PCSK5: variants seen among roughly 807,000 people sequenced by gnomAD.
The protein encoded by PCSK5 is proprotein convertase subtilisin/kexin type 5, also known as prohormone convertase 5.
Under a neutral mutation model 233.2 loss-of-function variants are expected in PCSK5, and 129 were observed. That is an observed-to-expected ratio of 0.55 (90% CI 0.48 to 0.64). PCSK5 has a LOEUF of 0.64. Among genes scored for constraint, PCSK5 ranks in the 30% least tolerant of loss-of-function variants. PCSK5 has a pLI of 0.00. For synonymous variants in PCSK5, 825 were observed against 879.2 expected, an observed-to-expected ratio of 0.94 and a Z score of 1.09; for missense variants, 2,076 against 2,430.1, an observed-to-expected ratio of 0.85 and a Z score of 3.06.
chr9:75,982,565 T>C (rs1423959572), intron 2 of PCSK5, among the ~76,000 whole-genome samples: 3 of 152,188 alleles, frequency 2.0e-5, no homozygotes, highest in Admixed American at 2.0e-4. Flanking sequence ...CTAAGTGTAT[T>C]GTATATGTTT....
At chr9:75,971,358 T>C (rs1288085357) in intron 2 of PCSK5, among the ~76,000 whole-genome samples, 2 of 152,192 alleles carry the variant, frequency 1.3e-5, no homozygotes, top group African/African-American at 4.8e-5. Flanking sequence ...GTTGATTCCA[T>C]GTCTTTGCTA....
At chr9:76,160,436 A>AT (rs1210231366) in intron 12 of PCSK5, among the ~76,000 whole-genome samples, 3 of 151,560 alleles carry the variant, frequency 2.0e-5, no homozygotes, top group Admixed American at 6.6e-5. Flanking sequence ...AGCTTCTTTG[A>AT]TTTTTTTTTC....
chr9:76,166,215 C>G (rs1056302380), intron 12 of PCSK5, among the ~76,000 whole-genome samples: 29 of 152,078 alleles, frequency 1.9e-4, no homozygotes, highest in African/African-American at 7.0e-4. Context: ...CATTTTCATT[C>G]CTCTCCTCAA....
At position 76,071,985 on chromosome 9, in the gene PCSK5, A is replaced by G. The variant is rs536375167; in HGVS notation, c.894+87A>G. 2.3e-6 allele frequency: 3 copies of G among 1,322,222 alleles called. No homozygotes were observed. In the African/African-American group the frequency reaches 4.4e-5, roughly 19 times the overall value. The allele number at this position is 1,322,222 out of a possible 1,614,324, so 81.9% of individuals were successfully genotyped here. On this transcript the variant is annotated intron_variant, in intron 7 of 37. Transcript: ENST00000674117. Reference sequence around the variant, plus strand: ...ATCTATGGGTTTCCAGCTGCAGTCTAGAGAACTGGATGGAGCTCCTAGGCT... The same window carrying G: ...ATCTATGGGTTTCCAGCTGCAGTCTGGAGAACTGGATGGAGCTCCTAGGCT...
At chr9:75,945,360 C>T (rs1563929258) in intron 2 of PCSK5, among the ~76,000 whole-genome samples, 1 of 152,062 alleles carries the variant, frequency 6.6e-6, no homozygotes, top group South Asian at 2.1e-4. Flanking sequence ...CCCTTTCCCT[C>T]GTTTCTCCTC....
intron 37 of PCSK5, among the ~76,000 whole-genome samples, chr9:76,358,140 CT>C (rs1303543380): frequency 1.3e-5 from 2 of 152,162 alleles, no homozygotes; most frequent in Non-Finnish European, 2.9e-5. Context: ...GATTTATTGG[CT>C]TCATCAGACA....
At chr9:76,283,035 A>G (rs1827931897) in intron 24 of PCSK5, among the ~76,000 whole-genome samples, 1 of 152,256 alleles carries the variant, frequency 6.6e-6, no homozygotes, top group South Asian at 2.1e-4. Context: ...ACAATCTCAC[A>G]ATAAAATTTG....
chr9:76,187,075 G>A (rs1238526888), intron 17 of PCSK5, among the ~76,000 whole-genome samples: 1 of 151,958 alleles, frequency 6.6e-6, no homozygotes, highest in Admixed American at 6.6e-5. Flanking sequence ...ATGCTAATGG[G>A]GACTGTTCGG....
Position 76,037,425 on chromosome 9 carries a change from GAGACT to G in PCSK5, c.632+10390_632+10394del, listed in dbSNP as rs202246785. Among the ~76,000 whole-genome samples, 7 of 152,250 alleles carry G rather than the reference GAGACT, an allele frequency of 4.6e-5. No homozygotes were observed. The East Asian group carries it at 1.2e-3, about 25-fold the overall frequency. On this transcript the variant is annotated intron_variant, in intron 5 of 37. Transcript: ENST00000674117. ...TCATACTATAAACAAAAGGTTTTTG[GAGACT>G]ATATAAAAGTACCACAGGTACAGAT... is the stretch of plus-strand genomic sequence containing the variant.
At chr9:76,293,140 C>G (rs1466085602) in intron 25 of PCSK5, among the ~76,000 whole-genome samples, 1 of 148,088 alleles carries the variant, frequency 6.8e-6, no homozygotes, top group East Asian at 1.9e-4. Flanking sequence ...GTCACCTCCT[C>G]TTGTCACATT....
chr9:75,962,311 G>A (rs1721598186), intron 2 of PCSK5, among the ~76,000 whole-genome samples: 1 of 152,138 alleles, frequency 6.6e-6, no homozygotes, highest in Non-Finnish European at 1.5e-5. Flanking sequence ...TCAGCTCCTG[G>A]GTCAAAAGGA....
intron 14 of PCSK5, among the ~76,000 whole-genome samples, chr9:76,178,155 A>T (rs935146564): frequency 6.6e-6 from 1 of 152,146 alleles, no homozygotes; most frequent in Non-Finnish European, 1.5e-5. Context: ...CAGTCCATAG[A>T]CAGCAGAGAC....
At chr9:76,289,891 G>A (rs150676184) in intron 24 of PCSK5, among the ~76,000 whole-genome samples, 331 of 152,244 alleles carry the variant, frequency 2.2e-3, no homozygotes, top group Non-Finnish European at 3.9e-3. Context: ...GTGCAACTGG[G>A]CTGGAAAAGT....
At chr9:75,942,742 A>G (rs1416353175) in intron 2 of PCSK5, among the ~76,000 whole-genome samples, 4 of 152,126 alleles carry the variant, frequency 2.6e-5, no homozygotes, top group Non-Finnish European at 4.4e-5. Context: ...AATAAAAGTG[A>G]CGGCCATAAA....
chr9:75,948,274 A>G (rs1563930968), intron 2 of PCSK5, among the ~76,000 whole-genome samples: 1 of 151,862 alleles, frequency 6.6e-6, no homozygotes, highest in Non-Finnish European at 1.5e-5. Flanking sequence ...CTCGTCATTT[A>G]CATTAGGTAT....
intron 5 of PCSK5, among the ~76,000 whole-genome samples, chr9:76,063,345 T>TTTTTTTTA (rs1830107229): frequency 7.5e-6 from 1 of 132,840 alleles, no homozygotes; most frequent in Non-Finnish European, 1.6e-5. Context: ...TTTTTTTTTT[T>TTTTTTTTA]TTTATTGATA....
At position 76,338,286 on chromosome 9, in the gene PCSK5, G is replaced by T. The variant is rs535037527; in HGVS notation, c.4805G>T (p.Gly1602Val). ...GAGAGGTGCAACAGGAGCTGCAAGG[G>T]GTGCCAGGGCCCACGGCCCACAGAC... is the stretch of plus-strand genomic sequence containing the variant. ...RCERCNRSCKGCQGPRPTDCL... is the reference protein window; with the variant it reads ...RCERCNRSCKVCQGPRPTDCL... Residue 1602 changes from glycine to valine, a missense_variant, in exon 35 of 38, where the codon GGG (glycine) becomes GTG (valine). This residue lies in a region of PCSK5 where 1,510 missense variants were observed against 1,538.1 expected (regional missense o/e 0.98). Transcript: ENST00000674117. 33 of 1,612,642 alleles carry T rather than the reference G, an allele frequency of 2.0e-5. No homozygotes were observed. In the African/African-American group the frequency reaches 2.9e-4, roughly 14 times the overall value.
intron 30 of PCSK5, among the ~76,000 whole-genome samples, chr9:76,313,475 C>A (rs1185968755): frequency 6.6e-6 from 1 of 152,138 alleles, no homozygotes; most frequent in African/African-American, 2.4e-5. Context: ...CACTAATCTA[C>A]TTTCTATCCC....
At chr9:76,057,103 C>G (rs1035050725) in intron 5 of PCSK5, among the ~76,000 whole-genome samples, 3 of 152,048 alleles carry the variant, frequency 2.0e-5, no homozygotes, top group African/African-American at 7.2e-5. Flanking sequence ...CTAAAGTTTT[C>G]TCCCTATGCT....
Sources: gnomAD v4.1 joint callset for allele counts (sites outside exome capture counted in the v4.1 genomes callset) on GRCh38, gnomAD v4.1.1 for gene constraint, gnomAD v4.1.1 regional missense constraint, MANE v1.5 for transcripts, NCBI Gene and HGNC (gene_info 2026-07-23, HGNC 2026-07-21) for gene names.